The following ADAMTSL1 variants were observed in gnomAD, a reference collection of about 807,000 sequenced individuals.
ADAMTSL1 encodes ADAMTS like 1.
Under a neutral mutation model 201.8 loss-of-function variants are expected in ADAMTSL1, and 126 were observed. The ratio of observed to expected loss-of-function variants is 0.62; its 90% CI spans 0.54 to 0.72. ADAMTSL1 has a LOEUF of 0.72. ADAMTSL1 is among the 30% of genes least tolerant of loss of function. The pLI is 0.00. For synonymous variants in ADAMTSL1, 1,121 were observed against 903.4 expected, an observed-to-expected ratio of 1.24 and a Z score of -4.32; for missense variants, 2,679 against 2,277.8, an observed-to-expected ratio of 1.18 and a Z score of -3.59.
intron 2 of ADAMTSL1, among the ~76,000 whole-genome samples, chr9:18,508,903 G>GTTCTGGGATATGTGCTCA (rs1231329140): frequency 3.1e-5 from 3 of 97,126 alleles, no homozygotes; most frequent in African/African-American, 1.0e-4. Flanking sequence ...TAGAAATAGA[G>GTTCTGGGATATGTGCTCA]GCCGGGCGCG....
At chr9:17,908,209 T>G (rs1825797915) in intron 1 of ADAMTSL1, among the ~76,000 whole-genome samples, 1 of 152,150 alleles carries the variant, frequency 6.6e-6, no homozygotes, top group African/African-American at 2.4e-5. Context: ...AAAGCTTGTA[T>G]TAATTATCAG....
At chr9:18,471,208 T>C (rs1039007093), upstream of ADAMTSL1, among the ~76,000 whole-genome samples, 2 of 152,190 alleles carry the variant, frequency 1.3e-5, no homozygotes, top group African/African-American at 4.8e-5. Context: ...ACTTTCCTTT[T>C]CCTATAAACA....
intron 2 of ADAMTSL1, among the ~76,000 whole-genome samples, chr9:18,224,925 T>G (rs941156056): frequency 6.6e-6 from 1 of 152,180 alleles, no homozygotes; most frequent in Non-Finnish European, 1.5e-5. Context: ...TGTTAATTTT[T>G]TCCCATTTTT....
intron 1 of ADAMTSL1, among the ~76,000 whole-genome samples, chr9:17,987,320 T>C (rs895671084): frequency 2.0e-5 from 3 of 152,056 alleles, no homozygotes; most frequent in African/African-American, 7.2e-5. Context: ...TTTGGAGGGC[T>C]AAGGAAGCAG....
intron 2 of ADAMTSL1, among the ~76,000 whole-genome samples, chr9:18,381,658 G>C (rs1837560026): frequency 2.6e-5 from 4 of 152,064 alleles, no homozygotes; most frequent in Admixed American, 2.6e-4. Flanking sequence ...TGAAATGCGT[G>C]TAGAAATGTG....
intron 2 of ADAMTSL1, among the ~76,000 whole-genome samples, chr9:18,248,536 TA>T (rs1017624713): frequency 6.6e-6 from 1 of 151,658 alleles, no homozygotes; most frequent in African/African-American, 2.4e-5. Context: ...CCCTGTAGTG[TA>T]AAAAAAAGAA....
chr9:18,045,252 A>T (rs1233865746), intron 1 of ADAMTSL1, among the ~76,000 whole-genome samples: 1 of 152,148 alleles, frequency 6.6e-6, no homozygotes, highest in Non-Finnish European at 1.5e-5. Flanking sequence ...GAGTATATGT[A>T]GTTTGAGAAT....
At chr9:17,925,703 G>T (rs71504890) in intron 1 of ADAMTSL1, among the ~76,000 whole-genome samples, 10,814 of 126,404 alleles carry the variant, frequency 0.086, 509 homozygotes, top group South Asian at 0.16. Context: ...TGGGGACTGT[G>T]GTGGGGTGGG....
At chr9:18,151,059 T>C (rs530689336) in intron 1 of ADAMTSL1, among the ~76,000 whole-genome samples, 32 of 152,154 alleles carry the variant, frequency 2.1e-4, no homozygotes, top group Admixed American at 1.4e-3. Context: ...ACTCAGATTC[T>C]TGATTCTGGA....
At chr9:17,951,527 G>A (rs1223939998) in intron 1 of ADAMTSL1, among the ~76,000 whole-genome samples, 1 of 151,980 alleles carries the variant, frequency 6.6e-6, no homozygotes, top group Non-Finnish European at 1.5e-5. Flanking sequence ...TGGTTTTAAT[G>A]TACCTTTCCT....
intron 1 of ADAMTSL1, among the ~76,000 whole-genome samples, chr9:17,986,838 C>G (rs1055578523): frequency 6.6e-6 from 1 of 152,026 alleles, no homozygotes; most frequent in Non-Finnish European, 1.5e-5. Context: ...CAAACATTAC[C>G]TCATACTCCA....
chr9:18,831,157 C>T (rs542810695), intron 23 of ADAMTSL1, among the ~76,000 whole-genome samples: 1 of 152,316 alleles, frequency 6.6e-6, no homozygotes, highest in South Asian at 2.1e-4. Flanking sequence ...TCTGATTTCT[C>T]TATTTTTGAC....
intron 2 of ADAMTSL1, among the ~76,000 whole-genome samples, chr9:18,259,108 C>T (rs935257623): frequency 2.0e-5 from 3 of 152,288 alleles, no homozygotes; most frequent in Middle Eastern, 6.8e-3. Flanking sequence ...CATATTATAT[C>T]CTCTTTCCTT....
At chr9:18,554,508 A>G (rs1379838405) in intron 3 of ADAMTSL1, among the ~76,000 whole-genome samples, 2 of 151,818 alleles carry the variant, frequency 1.3e-5, no homozygotes, top group Non-Finnish European at 2.9e-5. Context: ...ATCCAAGACC[A>G]CTTTACATTC....
chr9:17,961,440 G>A (rs982653331), intron 1 of ADAMTSL1, among the ~76,000 whole-genome samples: 4 of 151,946 alleles, frequency 2.6e-5, no homozygotes, highest in African/African-American at 9.7e-5. Context: ...TAGTAGAGAT[G>A]GGGTTTCTCC....
At chr9:18,131,190 C>T (rs1415569287) in intron 1 of ADAMTSL1, among the ~76,000 whole-genome samples, 2 of 152,080 alleles carry the variant, frequency 1.3e-5, no homozygotes, top group Non-Finnish European at 2.9e-5. Context: ...TTGGGTCTTA[C>T]TTATTTTGAG....
At chr9:18,693,680 A>G (rs1831375204) in intron 13 of ADAMTSL1, among the ~76,000 whole-genome samples, 3 of 152,340 alleles carry the variant, frequency 2.0e-5, no homozygotes, top group South Asian at 4.1e-4. Context: ...CTGTTTATCA[A>G]TCCATTTATT....
chr9:18,371,067 T>C (rs1055978740), intron 2 of ADAMTSL1, among the ~76,000 whole-genome samples: 2 of 152,172 alleles, frequency 1.3e-5, no homozygotes, highest in South Asian at 2.1e-4. Flanking sequence ...TATATTTGAG[T>C]AACAACATAT....
At chr9:18,835,362 G>A (rs1347264) in intron 23 of ADAMTSL1, among the ~76,000 whole-genome samples, 90,570 of 151,862 alleles carry the variant, frequency 0.6, 27,216 homozygotes, top group African/African-American at 0.66. Flanking sequence ...TATTTTGAAT[G>A]TAAGTCTTTT....
Sources: allele counts gnomAD v4.1 joint callset (sites outside exome capture counted in the v4.1 genomes callset), GRCh38; gene constraint gnomAD v4.1.1; transcripts MANE v1.5; gene names NCBI Gene and HGNC (gene_info 2026-07-23, HGNC 2026-07-21).